Variants in ZNF440 observed in about 807,000 individuals in gnomAD.
The protein encoded by ZNF440 is zinc finger protein 440.
In ZNF440, 47 loss-of-function variants were observed where a neutral mutation model predicts 49.7. The ratio of observed to expected loss-of-function variants is 0.95; its 90% confidence interval spans 0.75 to 1.21. The LOEUF is 1.21. Ranked by LOEUF, ZNF440 falls within the 50% of genes most tolerant of loss-of-function variation. The pLI is 0.00. For missense variants in ZNF440, 703 were observed against 715.0 expected (o/e 0.98, Z 0.19); for synonymous variants, 255 against 237.7 (o/e 1.07, Z -0.67).
At position 11,833,507 on chromosome 19, in the gene ZNF440, G is replaced by A. The variant is rs434048; in HGVS notation, c.*543G>A. The A allele has an allele frequency of 0.36, 112,113 of 309,010 alleles. 21,375 individuals are homozygous for A. Among genetic ancestry groups the A allele is most frequent in the African/African-American group, 0.46 (20,619 of 44,550 alleles). 19.1% of individuals were successfully genotyped at this position (309,010 alleles called of 1,614,324 possible). ...GAAACACTATGAATGCAAGCAATGT[G>A]GCAAAGCTTTCACTTCTTCCAGTTC... On this transcript the variant is annotated 3_prime_UTR_variant, in exon 4 of 4. Coordinates refer to ENST00000304060, the MANE Select transcript of ZNF440 (RefSeq NM_152357.3).
rs769768054 is a variant in ZNF440, at chr19:11,834,262, G to A, written c.*1298G>A. On this transcript the variant is annotated 3_prime_UTR_variant, in exon 4 of 4. Transcript: ENST00000304060. The stretch of plus-strand genomic sequence containing the variant: ...CTGCCTCAGTCTCCTGAGTAGCTGG[G>A]ACTACAGGCATGCGCCACCATGCCA... The A allele has an allele frequency of 7.5e-5, 13 of 173,892 alleles. No homozygotes were observed. The highest frequency in any genetic ancestry group is 1.5e-4 in the Non-Finnish European group (12 of 80,258). The allele number at this position is 173,892 out of a possible 1,614,324, so 10.8% of individuals were successfully genotyped here.
chr19:11,822,821 T>C (rs1219173756), intron 1 of ZNF440, among the ~76,000 whole-genome samples: 2 of 129,684 alleles, frequency 1.5e-5, no homozygotes, highest in African/African-American at 6.1e-5. Flanking sequence ...CTCTCCAGCC[T>C]GGGCAACAAG....
intron 1 of ZNF440, among the ~76,000 whole-genome samples, chr19:11,821,246 A>T (rs1975796296): frequency 6.6e-6 from 1 of 152,170 alleles, no homozygotes; most frequent in South Asian, 2.1e-4. Context: ...AGTGAGTATC[A>T]GCCGGAGTCA....
intron 1 of ZNF440, 92 bp from the exon 2 acceptor site, chr19:11,830,191 C>T: frequency 6.4e-7 from 1 of 1,572,522 alleles, no homozygotes; most frequent in Non-Finnish European, 8.6e-7. Context: ...GTTTGGAGTC[C>T]ACGGCATCCT....
chr19:11,832,033 G>C lies in ZNF440; in HGVS notation c.857G>C (p.Cys286Ser), dbSNP rs373425213. 45 of 1,614,124 alleles carry C rather than the reference G, an allele frequency of 2.8e-5. No individual in the cohort carries two copies. The highest frequency in any genetic ancestry group is 3.7e-5 in the Non-Finnish European group (44 of 1,180,008). The change falls in exon 4 of 4, where the codon TGT becomes TCT. Residue 286 changes from cysteine to serine, a missense_variant. Coordinates refer to ENST00000304060, the MANE Select transcript of ZNF440 (RefSeq NM_152357.3). Reference sequence around the variant, plus strand: ...CACATGGGAGAAAAGGCTTATCAATGTAAGGAATGTGGAAAAGCATTCACG... The same window carrying C: ...CACATGGGAGAAAAGGCTTATCAATCTAAGGAATGTGGAAAAGCATTCACG... ...RIHMGEKAYQ[C>S]KECGKAFTCP...
chr19:11,832,560 A>G lies in ZNF440; in HGVS notation c.1384A>G (p.Ile462Val). Residue 462 changes from isoleucine to valine, a missense_variant, in exon 4 of 4, where the codon ATA (isoleucine) becomes GTA (valine). Transcript: ENST00000304060. Reference sequence around the variant, plus strand: ...TGGAGAAAGACGTTATAAATGTAAGATATGTGGGAAAGGCTTTTATTGTCC... The same window carrying G: ...TGGAGAAAGACGTTATAAATGTAAGGTATGTGGGAAAGGCTTTTATTGTCC... ...HSGERRYKCK[I>V]CGKGFYCPKS... is the part of the protein sequence containing the mutation. The G allele has an allele frequency of 2.5e-6, 4 of 1,613,796 alleles. No individual in the cohort carries two copies. Among genetic ancestry groups the G allele is most frequent in the Non-Finnish European group, 8.5e-7 (1 of 1,179,946 alleles).
intron 3 of ZNF440, 128 bp from the exon 4 acceptor site, chr19:11,831,240 A>G (rs1287807396): frequency 7.7e-7 from 1 of 1,299,516 alleles, no homozygotes; most frequent in Non-Finnish European, 1.0e-6. Context: ...TCACCTTCAA[A>G]CAATTCAGAC....
rs767973023 is a variant in ZNF440, at chr19:11,831,815, A to T, written c.639A>T (p.Arg213Ser). ...GTGGGAAAGCATTCCATTGTCTCAG[A>T]TTATATCTTATCCATGAAAGAATTC... is the stretch of plus-strand genomic sequence containing the variant. ...KFCGKAFHCLRLYLIHERIHT... is the reference protein window; with the variant it reads ...KFCGKAFHCLSLYLIHERIHT... Residue 213 changes from arginine (R) to serine (S), a missense_variant, in exon 4 of 4, where the codon AGA (arginine) becomes AGT (serine). Physicochemically the swap from Arg to Ser is moderately radical, Grantham distance 110. Transcript: ENST00000304060. The T allele has an allele frequency of 1.4e-4, 227 of 1,609,220 alleles. 1 individual carries two copies. In the Admixed American group the frequency reaches 2.4e-3, roughly 17 times the overall value.
intron 1 of ZNF440, among the ~76,000 whole-genome samples, chr19:11,818,895 C>T (rs1046308809): frequency 6.6e-6 from 1 of 152,098 alleles, no homozygotes; most frequent in Non-Finnish European, 1.5e-5. Flanking sequence ...CTTTAAAGCT[C>T]GTTTTTATTT....
At chr19:11,825,837 CAG>C (rs911526623) in intron 1 of ZNF440, among the ~76,000 whole-genome samples, 3 of 119,766 alleles carry the variant, frequency 2.5e-5, no homozygotes, top group African/African-American at 1.1e-4. Context: ...TTTTTTGAGA[CAG>C]AGTTTCACTC....
At position 11,830,673 on chromosome 19, in the gene ZNF440, T is replaced by C; in HGVS notation, c.187T>C (p.Phe63Leu). The C allele has an allele frequency of 6.2e-7, 1 of 1,613,866 alleles. No individual in the cohort carries two copies. The highest frequency in any genetic ancestry group is 1.1e-5 in the South Asian group (1 of 91,058). The change falls in exon 3 of 4, where the codon TTC becomes CTC. Residue 63 changes from phenylalanine to leucine, a missense_variant. Transcript: ENST00000304060. ...TGAGCACCAAAACCCCAGGAGAAAC[T>C]TCAGGTAATTTGTACTTACAAGACA... ...EYEHQNPRRN[F>L]RSLIEEKVNE...
intron 1 of ZNF440, among the ~76,000 whole-genome samples, chr19:11,815,409 C>T (rs751662700): frequency 2.6e-5 from 4 of 151,900 alleles, no homozygotes; most frequent in Non-Finnish European, 5.9e-5. Flanking sequence ...TGTCTGGGCG[C>T]GGCAAAAGCG....
At chr19:11,821,673 G>C (rs1599290709) in intron 1 of ZNF440, among the ~76,000 whole-genome samples, 1 of 152,102 alleles carries the variant, frequency 6.6e-6, no homozygotes, top group African/African-American at 2.4e-5. Context: ...CATGTGATAG[G>C]GTGACTGTGC....
At position 11,814,442 on chromosome 19, in the gene ZNF440, CG is replaced by C; in HGVS notation, c.-5del. ...GAGGACGCCGGAACACCCTGGAAGC[CG>C]AGAAATGGTGTGTGTGAGGGGGCTG... On this transcript the variant is annotated 5_prime_UTR_variant, in exon 1 of 4. Transcript: ENST00000304060. The C allele has an allele frequency of 6.4e-7, 1 of 1,554,940 alleles. No individual in the cohort carries two copies. The highest frequency in any genetic ancestry group is 1.2e-5 in the South Asian group (1 of 84,776).
chr19:11,821,555 C>G (rs1013262783), intron 1 of ZNF440, among the ~76,000 whole-genome samples: 3 of 151,852 alleles, frequency 2.0e-5, no homozygotes, highest in African/African-American at 7.3e-5. Flanking sequence ...GGACCAGTAG[C>G]CTGCAAATCA....
chr19:11,826,006 G>C (rs1314188547), intron 1 of ZNF440, among the ~76,000 whole-genome samples: 2 of 151,390 alleles, frequency 1.3e-5, no homozygotes, highest in Non-Finnish European at 2.9e-5. Flanking sequence ...GTAGAGACGG[G>C]GTTTCTCCAT....
chr19:11,834,841 G>A lies in ZNF440; in HGVS notation c.*1877G>A, dbSNP rs1975999107. ...AATCCCAGCACTTTGGGAGGCCGAG[G>A]TCAGGAGTTAGAGACCATTCTGACC... On this transcript the variant is annotated 3_prime_UTR_variant, in exon 4 of 4. Coordinates refer to ENST00000304060, the MANE Select transcript of ZNF440 (RefSeq NM_152357.3). The A allele has an allele frequency of 6.6e-6, 1 of 151,812 alleles. No individual in the cohort carries two copies. The highest frequency in any genetic ancestry group is 1.5e-5 in the Non-Finnish European group (1 of 67,944). 9.4% of individuals were successfully genotyped at this position (151,812 alleles called of 1,614,324 possible).
intron 1 of ZNF440, among the ~76,000 whole-genome samples, chr19:11,828,571 G>C (rs1418376266): frequency 6.6e-6 from 1 of 152,028 alleles, no homozygotes; most frequent in Non-Finnish European, 1.5e-5. Context: ...AGTTGAGATA[G>C]TTTGACAAAT....
Position 11,833,188 on chromosome 19 carries a change from T to A in ZNF440, c.*224T>A. On this transcript the variant is annotated 3_prime_UTR_variant, in exon 4 of 4. Coordinates refer to ENST00000304060, the MANE Select transcript of ZNF440 (RefSeq NM_152357.3). ...AGCAATTTGGGAAAGCCTTCAGATC[T>A]GTCAAAAATCTTCGATTTCATAAAA... 1 of 1,211,592 alleles carries A rather than the reference T, an allele frequency of 8.3e-7. No individual in the cohort carries two copies. Among genetic ancestry groups the A allele is most frequent in the Non-Finnish European group, 1.2e-6 (1 of 848,910 alleles). 75.1% of individuals were successfully genotyped at this position (1,211,592 alleles called of 1,614,324 possible). A position where few individuals can be genotyped will look rare whatever the true frequency, so the allele number is the denominator to read the frequency against.
Sources: allele counts gnomAD v4.1 joint callset (sites outside exome capture counted in the v4.1 genomes callset), GRCh38; gene constraint gnomAD v4.1.1; transcripts MANE v1.5; gene names NCBI Gene and HGNC (gene_info 2026-07-23, HGNC 2026-07-21).